The following LGR4 variants were observed in gnomAD, a reference collection of about 807,000 sequenced individuals.
The protein encoded by LGR4 is leucine rich repeat containing G protein-coupled receptor 4, also known as leucine-rich repeat-containing G protein-coupled receptor 4.
Under a neutral mutation model 84.8 loss-of-function variants are expected in LGR4, and 44 were observed. The observed-to-expected ratio is 0.52, with a 90% CI of 0.41 to 0.67. The LOEUF is 0.67. Among genes scored for constraint, LGR4 ranks in the 30% least tolerant of loss-of-function variants. LGR4 has a pLI of 0.00. For synonymous variants in LGR4, 429 were observed against 434.3 expected, an observed-to-expected ratio of 0.99 and a Z score of 0.15; for missense variants, 1,032 against 1,131.4, an observed-to-expected ratio of 0.91 and a Z score of 1.26.
chr11:27,367,630 T>C lies in LGR4; in HGVS notation c.*237A>G, dbSNP rs1197632153. On this transcript the variant is annotated 3_prime_UTR_variant, in exon 18 of 18. Transcript: ENST00000379214. The stretch of plus-strand genomic sequence containing the variant: ...TACACCTAAGATCCTTTTCAAGTCA[T>C]ATATTTGTTTCAAACAGATCATACA... 1.0e-5 allele frequency: 4 copies of C among 388,578 alleles called. No individual in the cohort carries two copies. The highest frequency in any genetic ancestry group is 1.8e-5 in the Non-Finnish European group (4 of 217,694). The allele number at this position is 388,578 out of a possible 1,614,324, so 24.1% of individuals were successfully genotyped here.
At chr11:27,373,754 T>C in intron 14 of LGR4, 78 bp from the exon 15 acceptor site, 1 of 1,314,004 alleles carries the variant, frequency 7.6e-7, no homozygotes, top group Middle Eastern at 2.0e-4. Context: ...ATTAACATCA[T>C]AAATATTAGA....
At position 27,385,353 on chromosome 11, in the gene LGR4, G is replaced by C. The variant is rs371279462; in HGVS notation, c.517C>G (p.Leu173Val). The C allele has an allele frequency of 1.9e-6, 3 of 1,612,124 alleles. No individual in the cohort carries two copies. The Admixed American group carries it at 5.0e-5, about 27-fold the overall frequency. Reference protein sequence around the residue: ...NSLTEVPVHPLSNLPTLQALT... With the variant: ...NSLTEVPVHPVSNLPTLQALT... ...GCCTGTAGGGTGGGCAGATTGCTGA[G>C]GGGGTGCACAGGCACCTCCGTCAAG... Residue 173 changes from leucine (L) to valine (V), a missense_variant, in exon 5 of 18, where the codon CTC becomes GTC. Transcript: ENST00000379214.
At chr11:27,426,968 A>T (rs1281958476) in intron 1 of LGR4, among the ~76,000 whole-genome samples, 1 of 152,206 alleles carries the variant, frequency 6.6e-6, no homozygotes, top group Non-Finnish European at 1.5e-5. Context: ...CAGTGGGGTG[A>T]GTCCCTCCCT....
At chr11:27,430,084 G>T (rs1358024707) in intron 1 of LGR4, among the ~76,000 whole-genome samples, 1 of 151,920 alleles carries the variant, frequency 6.6e-6, no homozygotes, top group African/African-American at 2.4e-5. Context: ...TTCATTCTAG[G>T]CTCACTCTCA....
intron 1 of LGR4, among the ~76,000 whole-genome samples, chr11:27,421,800 G>T (rs1017363112): frequency 6.6e-6 from 1 of 152,138 alleles, no homozygotes; most frequent in African/African-American, 2.4e-5. Flanking sequence ...AAACAGGCTA[G>T]TTTTCACAAG....
At chr11:27,444,099 A>G (rs868267050) in intron 1 of LGR4, among the ~76,000 whole-genome samples, 8 of 151,958 alleles carry the variant, frequency 5.3e-5, no homozygotes, top group African/African-American at 1.4e-4. Context: ...TTAAAGAAAA[A>G]AAAAATAGCA....
intron 1 of LGR4, among the ~76,000 whole-genome samples, chr11:27,432,219 A>G (rs1007619524): frequency 6.6e-6 from 1 of 152,178 alleles, no homozygotes; most frequent in Non-Finnish European, 1.5e-5. Context: ...TCCTTCCCAC[A>G]GTTTCCTACT....
At chr11:27,412,995 G>A (rs1448392298) in intron 1 of LGR4, 135 bp from the exon 2 acceptor site, 1 of 628,308 alleles carries the variant, frequency 1.6e-6, no homozygotes, top group Non-Finnish European at 2.8e-6. Context: ...TCACAATTTG[G>A]CTTCAGAATG....
chr11:27,374,423 G>C (rs1485100415), intron 13 of LGR4, among the ~76,000 whole-genome samples: 1 of 152,104 alleles, frequency 6.6e-6, no homozygotes, highest in Admixed American at 6.5e-5. Context: ...ACTTCGTATT[G>C]TTTGCCTTCT....
intron 1 of LGR4, among the ~76,000 whole-genome samples, chr11:27,467,044 C>G (rs1403508158): frequency 1.3e-5 from 2 of 151,682 alleles, no homozygotes; most frequent in Non-Finnish European, 2.9e-5. Flanking sequence ...CTTTGGCCTC[C>G]CAAAGTGTTG....
At position 27,392,524 on chromosome 11, in the gene LGR4, G is replaced by GAAAAAA; in HGVS notation, c.258-12_258-7dup. ...GGTCGTTGCCCGCCAATTGTCTAGA[G>GAAAAAA]AAAAAAAAAAAAAAAGTAGCAAGAA... On this transcript the variant is annotated splice_region_variant and splice_polypyrimidine_tract_variant and intron_variant, in intron 2 of 17. Transcript: ENST00000379214. 2.4e-6 allele frequency: 3 copies of GAAAAAA among 1,246,300 alleles called. No individual in the cohort carries two copies. The highest frequency in any genetic ancestry group is 2.1e-6 in the Non-Finnish European group (2 of 953,310). The allele number at this position is 1,246,300 out of a possible 1,614,324, so 77.2% of individuals were successfully genotyped here.
chr11:27,431,661 T>C (rs1453776900), intron 1 of LGR4, among the ~76,000 whole-genome samples: 1 of 152,198 alleles, frequency 6.6e-6, no homozygotes, highest in Non-Finnish European at 1.5e-5. Flanking sequence ...GGTCACTATC[T>C]TTTTCTTCCA....
chr11:27,369,117 G>C lies in LGR4; in HGVS notation c.1606C>G (p.Leu536Val), dbSNP rs778935349. The change falls in exon 18 of 18, where the codon CTG (leucine) becomes GTG (valine). Residue 536 changes from leucine (L) to valine (V), a missense_variant. By Grantham distance (32) the Leu-to-Val change is conservative (BLOSUM62 1). Transcript: ENST00000379214. ...TGAFKPCEYL[L>V]GSWMIRLTVW... ...GTAAGACGAATCATCCAGCTTCCCAGTAAATATTCACAGGGCTTAAAAGCA... is the reference window on the plus strand; with the variant it reads ...GTAAGACGAATCATCCAGCTTCCCACTAAATATTCACAGGGCTTAAAAGCA... The C allele has an allele frequency of 1.2e-6, 2 of 1,608,094 alleles. No homozygotes were observed. Among genetic ancestry groups the C allele is most frequent in the South Asian group, 2.2e-5 (2 of 90,030 alleles).
At chr11:27,457,192 C>G (rs993030883) in intron 1 of LGR4, among the ~76,000 whole-genome samples, 1 of 152,176 alleles carries the variant, frequency 6.6e-6, no homozygotes, top group South Asian at 2.1e-4. Context: ...AAGATGGTTA[C>G]TGTGGAAATT....
rs1489277706 is a variant in LGR4 at position 27,368,287 on chromosome 11, C to G, written c.2436G>C (p.Trp812Cys). The G allele has an allele frequency of 1.9e-6, 3 of 1,614,082 alleles. No homozygotes were observed. Among genetic ancestry groups the G allele is most frequent in the Admixed American group, 3.3e-5 (2 of 60,004 alleles). The stretch of plus-strand genomic sequence containing the variant: ...TGGTAACACGTCGCTTCAGTAACTT[C>G]CAGTCTTCTTTAAACTTTGGGTTGA... The part of the protein sequence containing the change: ...VFFNPKFKED[W>C]KLLKRRVTKK... Residue 812 changes from tryptophan (W) to cysteine (C), a missense_variant, in exon 18 of 18, where the codon TGG (tryptophan) becomes TGC (cysteine). Transcript: ENST00000379214.
At chr11:27,449,267 A>G (rs1864442628) in intron 1 of LGR4, among the ~76,000 whole-genome samples, 1 of 147,276 alleles carries the variant, frequency 6.8e-6, no homozygotes, top group African/African-American at 2.4e-5. Flanking sequence ...ATTAAAGTTT[A>G]ACAAAAATCT....
intron 1 of LGR4, among the ~76,000 whole-genome samples, chr11:27,428,325 G>T (rs1018570696): frequency 6.6e-5 from 10 of 151,998 alleles, no homozygotes; most frequent in African/African-American, 2.4e-4. Flanking sequence ...TTTTAGTAGA[G>T]ACGATGTTTC....
intron 1 of LGR4, among the ~76,000 whole-genome samples, chr11:27,443,402 C>A (rs1466214806): frequency 6.6e-6 from 1 of 152,168 alleles, no homozygotes; most frequent in Admixed American, 6.5e-5. Context: ...GAGACTCATG[C>A]GTCCCACCTA....
intron 1 of LGR4, among the ~76,000 whole-genome samples, chr11:27,470,072 C>T (rs145630712): frequency 2.0e-5 from 3 of 152,264 alleles, no homozygotes; most frequent in Admixed American, 6.5e-5. Context: ...CCAGAATGTA[C>T]GATCACTCTA....
Sources: allele counts gnomAD v4.1 joint callset (sites outside exome capture counted in the v4.1 genomes callset), GRCh38; gene constraint gnomAD v4.1.1; transcripts MANE v1.5; gene names NCBI Gene and HGNC (gene_info 2026-07-23, HGNC 2026-07-21).